ASB15: variants seen among roughly 807,000 people sequenced by gnomAD.
ASB15 encodes ankyrin repeat and SOCS box containing 15.
Under a neutral mutation model 58.0 loss-of-function variants are expected in ASB15, and 54 were observed. That is an observed-to-expected ratio of 0.93 (90% confidence interval 0.75 to 1.17). ASB15 has a LOEUF of 1.17. Among genes scored for constraint, ASB15 ranks in the 50% most tolerant of loss-of-function variants. The pLI is 0.00. For missense variants in ASB15, 680 were observed against 707.4 expected (o/e 0.96, Z 0.44); for synonymous variants, 249 against 262.4 (o/e 0.95, Z 0.50).
chr7:123,572,802 T>G (rs1798950541), intron 1 of ASB15, among the ~76,000 whole-genome samples: 2 of 152,212 alleles, frequency 1.3e-5, no homozygotes, highest in South Asian at 2.1e-4. Context: ...TTGTTACATT[T>G]ATTATAACTG....
chr7:123,629,899 C>A, intron 10 of ASB15, 67 bp from the exon 11 acceptor site: 3 of 1,101,994 alleles, frequency 2.7e-6, no homozygotes, highest in Non-Finnish European at 3.8e-6. Context: ...TTTTCCATAA[C>A]ACAATTGAGT....
chr7:123,624,619 ACTAGC>A lies in ASB15; in HGVS notation c.507_511del (p.Ser169ArgfsTer13). 6.2e-7 allele frequency: 1 copy of A among 1,613,916 alleles called. No individual in the cohort carries two copies. Among genetic ancestry groups the A allele is most frequent in the Non-Finnish European group, 8.5e-7 (1 of 1,179,786 alleles). ...GGTGTCGACTCTGATCAAACATAAC[ACTAGC>A]CTAGACCAGCCCTGTGTCAAGCGAT... On this transcript the variant is annotated frameshift_variant, in exon 8 of 12. Transcript: ENST00000451215. LOFTEE classifies it high-confidence loss of function.
intron 7 of ASB15, chr7:123,622,792 A>G (rs1202019994): frequency 6.6e-6 from 1 of 152,206 alleles, no homozygotes; most frequent in Non-Finnish European, 1.5e-5. Context: ...ATTCACTGTA[A>G]TTAGAGCTGC....
chr7:123,578,506 T>A (rs1200750188), intron 1 of ASB15, among the ~76,000 whole-genome samples: 1 of 152,110 alleles, frequency 6.6e-6, no homozygotes, highest in Non-Finnish European at 1.5e-5. Context: ...TGCTTTTTTA[T>A]TCATTCACTT....
intron 11 of ASB15, among the ~76,000 whole-genome samples, chr7:123,636,060 T>C (rs1016429561): frequency 1.3e-5 from 2 of 152,114 alleles, no homozygotes; most frequent in South Asian, 2.1e-4. Flanking sequence ...ACTGTTGTTA[T>C]CCTTATTTCA....
In ASB15 at chr7:123,567,508, A is replaced by T. The variant is rs147258803; in HGVS notation, c.-443+420A>T. ...AGTGTTGGAAGAGTTAGGACTTCCT[A>T]CGCTGCTTCTCAGTGATGCAAGCTC... is the stretch of plus-strand genomic sequence containing the variant. On this transcript the variant is annotated intron_variant, in intron 1 of 13. Transcript: ENST00000451558. Among the ~76,000 whole-genome samples the T allele has an allele frequency of 1.3e-3, 203 of 152,318 alleles. 1 individual carries two copies. The highest frequency in any genetic ancestry group is 4.5e-3 in the African/African-American group (187 of 41,574).
At chr7:123,615,465 A>C (rs1800740125) in intron 4 of ASB15, 2 of 152,178 alleles carry the variant, frequency 1.3e-5, no homozygotes, top group Non-Finnish European at 2.9e-5. Flanking sequence ...ATCTCCAACA[A>C]GCTTTAGAAC....
At position 123,620,602 on chromosome 7, in the gene ASB15, C is replaced by T. The variant is rs572763183; in HGVS notation, c.451+2865C>T. 4.0e-3 allele frequency among the ~76,000 whole-genome samples: 391 copies of T among 96,782 alleles called. 6 individuals carry two copies. Among genetic ancestry groups the T allele is most frequent in the African/African-American group, 0.016 (374 of 24,096 alleles). The allele number at this position is 96,782 out of a possible 152,430, so 63.5% of individuals were successfully genotyped here. A position where few individuals can be genotyped will look rare whatever the true frequency, so the allele number is the denominator to read the frequency against. ...TTTTTTTTTTTTTGAGACAGAGTCT[C>T]GCTCTGTCGCCCAGGCTGGAGTGCA... On this transcript the variant is annotated intron_variant, in intron 7 of 11. Coordinates refer to ENST00000451215, the MANE Select transcript of ASB15 (RefSeq NM_001290258.2).
intron 3 of ASB15, among the ~76,000 whole-genome samples, chr7:123,610,929 A>C (rs1019192850): frequency 6.6e-6 from 1 of 151,872 alleles, no homozygotes; most frequent in Non-Finnish European, 1.5e-5. Context: ...TAAAAATACA[A>C]AAATTAGCCA....
intron 9 of ASB15, 121 bp downstream of exon 9, chr7:123,627,402 G>T: frequency 4.2e-6 from 3 of 720,828 alleles, no homozygotes; most frequent in East Asian, 3.2e-5. Flanking sequence ...ATAATCTTCA[G>T]GTTTTGATGC....
intron 1 of ASB15, among the ~76,000 whole-genome samples, chr7:123,591,083 T>A (rs569344758): frequency 3.9e-5 from 6 of 152,312 alleles, no homozygotes; most frequent in African/African-American, 1.4e-4. Context: ...AGTTCACTCA[T>A]AATTTGGCTC....
intron 11 of ASB15, among the ~76,000 whole-genome samples, chr7:123,635,089 A>G (rs1376783223): frequency 1.3e-5 from 2 of 152,236 alleles, no homozygotes; most frequent in East Asian, 3.8e-4. Context: ...CTTAAAGGAC[A>G]TAGCAAAAAT....
intron 1 of ASB15, among the ~76,000 whole-genome samples, chr7:123,579,641 T>C (rs1464685816): frequency 6.6e-6 from 1 of 152,074 alleles, no homozygotes; most frequent in Non-Finnish European, 1.5e-5. Context: ...CCTGGTACCT[T>C]GGGATTTGCA....
At chr7:123,626,765 T>G (rs1801816929) in intron 8 of ASB15, among the ~76,000 whole-genome samples, 3 of 152,222 alleles carry the variant, frequency 2.0e-5, no homozygotes, top group Admixed American at 2.0e-4. Flanking sequence ...TGAGATGGAG[T>G]CTCACTCTGT....
intron 3 of ASB15, 138 bp downstream of exon 3, chr7:123,608,792 G>A (rs1468484792): frequency 1.3e-5 from 2 of 152,052 alleles, no homozygotes; most frequent in Non-Finnish European, 2.9e-5. Context: ...GCCACTTTGT[G>A]CTATGCAATT....
chr7:123,629,843 C>A, intron 10 of ASB15, 123 bp from the exon 11 acceptor site: 3 of 740,246 alleles, frequency 4.1e-6, no homozygotes, highest in Non-Finnish European at 6.2e-6. Flanking sequence ...AATTTTTGTT[C>A]ATTACAAGGA....
At chr7:123,623,940 AAAGAAAGAAAGAAAGAAAGAAAGAAAG>A (rs1801556609) in intron 7 of ASB15, among the ~76,000 whole-genome samples, 1 of 35,548 alleles carries the variant, frequency 2.8e-5, no homozygotes, top group Non-Finnish European at 5.5e-5. Context: ...GAAAAGAAAG[AAAGAAAGAAAGAAAGAAAGAAAGAAAG>A]AAAGAAAGAA....
chr7:123,633,359 G>A (rs1019779423), intron 11 of ASB15, among the ~76,000 whole-genome samples: 1 of 151,798 alleles, frequency 6.6e-6, no homozygotes, highest in African/African-American at 2.4e-5. Flanking sequence ...AATATTGATA[G>A]TGATATAATA....
chr7:123,614,869 A>G (rs1800698357), intron 4 of ASB15, among the ~76,000 whole-genome samples: 1 of 152,194 alleles, frequency 6.6e-6, no homozygotes, highest in African/African-American at 2.4e-5. Context: ...AGAATTGCCT[A>G]TTTTCTAAAT....
Sources: allele counts gnomAD v4.1 joint callset (sites outside exome capture counted in the v4.1 genomes callset), GRCh38; gene constraint gnomAD v4.1.1; transcripts MANE v1.5; gene names NCBI Gene and HGNC (gene_info 2026-07-23, HGNC 2026-07-21).